The following CHCHD6 variants were observed in gnomAD, a reference collection of about 807,000 sequenced individuals.
CHCHD6 encodes the protein MICOS complex subunit MIC25.
A neutral mutation model predicts 32.3 loss-of-function variants in CHCHD6; 28 were observed. The ratio of observed to expected loss-of-function variants is 0.87; its 90% CI spans 0.64 to 1.19. The LOEUF (loss-of-function observed/expected upper bound fraction) is 1.19. Among genes scored for constraint, CHCHD6 ranks in the 50% most tolerant of loss-of-function variants. CHCHD6 has a pLI of 0.00. For missense variants in CHCHD6, 333 were observed against 307.0 expected (o/e 1.08, Z -0.63); for synonymous variants, 122 against 117.5 (o/e 1.04, Z -0.25).
rs1206574645 is a variant in CHCHD6 at position 126,941,389 on chromosome 3, CATATT to C, written c.567-16025_567-16021del. 2.6e-5 allele frequency among the ~76,000 whole-genome samples: 4 copies of C among 152,274 alleles called. No homozygotes were observed. The East Asian group carries it at 7.7e-4, about 29-fold the overall frequency. ...CTGCATGTTTTAAACCTGTTTAAGA[CATATT>C]AGGAAGCTATAGTTATTTAAAATAT... On this transcript the variant is annotated intron_variant, in intron 6 of 7. Coordinates refer to ENST00000290913, the MANE Select transcript of CHCHD6 (RefSeq NM_032343.3).
At chr3:126,756,488 G>A (rs966544045) in intron 4 of CHCHD6, among the ~76,000 whole-genome samples, 18 of 152,138 alleles carry the variant, frequency 1.2e-4, no homozygotes, top group African/African-American at 3.9e-4. Context: ...TGTAAGGCAG[G>A]GGGGAAGTGG....
At chr3:126,802,320 A>T (rs1939120252) in intron 4 of CHCHD6, among the ~76,000 whole-genome samples, 2 of 152,342 alleles carry the variant, frequency 1.3e-5, no homozygotes, top group East Asian at 3.9e-4. Context: ...TGTTGAAAAA[A>T]ATTTAGACGA....
chr3:126,752,759 C>T (rs904724593), intron 4 of CHCHD6, among the ~76,000 whole-genome samples: 9 of 152,170 alleles, frequency 5.9e-5, no homozygotes, highest in Admixed American at 2.0e-4. Context: ...AGGAAGGGCC[C>T]GCTTTTCTCT....
At chr3:126,719,533 A>G (rs1559802511) in intron 1 of CHCHD6, among the ~76,000 whole-genome samples, 1 of 152,230 alleles carries the variant, frequency 6.6e-6, no homozygotes, top group Non-Finnish European at 1.5e-5. Context: ...GATGTTGTGT[A>G]TGATAGGAGG....
At chr3:126,784,319 T>C (rs940623584) in intron 4 of CHCHD6, among the ~76,000 whole-genome samples, 1 of 152,170 alleles carries the variant, frequency 6.6e-6, no homozygotes, top group Non-Finnish European at 1.5e-5. Flanking sequence ...TCTCTTTCCT[T>C]TCAATGCATT....
At chr3:126,901,082 AT>A (rs2107583014) in intron 5 of CHCHD6, among the ~76,000 whole-genome samples, 1 of 152,310 alleles carries the variant, frequency 6.6e-6, no homozygotes, top group South Asian at 2.1e-4. Flanking sequence ...TCCAAACCAT[AT>A]CACCAGCACA....
intron 4 of CHCHD6, among the ~76,000 whole-genome samples, chr3:126,736,727 GTGCCCTGGTTC>G (rs1936060160): frequency 6.6e-6 from 1 of 152,166 alleles, no homozygotes; most frequent in Non-Finnish European, 1.5e-5. Flanking sequence ...GTCACTGGTG[GTGCCCTGGTTC>G]TGGTCTGAGT....
intron 4 of CHCHD6, among the ~76,000 whole-genome samples, chr3:126,736,358 A>G (rs1936043154): frequency 1.3e-5 from 2 of 152,080 alleles, no homozygotes; most frequent in South Asian, 4.1e-4. Flanking sequence ...TGGAACTTGC[A>G]TGGTCGCCAG....
intron 4 of CHCHD6, among the ~76,000 whole-genome samples, chr3:126,756,313 A>G (rs924935264): frequency 1.3e-5 from 2 of 152,180 alleles, no homozygotes; most frequent in African/African-American, 4.8e-5. Flanking sequence ...GTAAAAGGAG[A>G]AAGATGAACA....
intron 4 of CHCHD6, among the ~76,000 whole-genome samples, chr3:126,806,031 A>G (rs953222261): frequency 2.0e-5 from 3 of 152,212 alleles, no homozygotes; most frequent in African/African-American, 7.2e-5. Context: ...CCTTCCTTAC[A>G]CCTTATACAA....
At chr3:126,711,395 A>C (rs1168346226) in intron 1 of CHCHD6, among the ~76,000 whole-genome samples, 1 of 152,112 alleles carries the variant, frequency 6.6e-6, no homozygotes, top group Non-Finnish European at 1.5e-5. Context: ...TGCCTCCTTG[A>C]CTGTTTCAGT....
At chr3:126,788,412 C>T (rs1280185890) in intron 4 of CHCHD6, among the ~76,000 whole-genome samples, 1 of 152,192 alleles carries the variant, frequency 6.6e-6, no homozygotes, top group Non-Finnish European at 1.5e-5. Context: ...ACCAGCTCCT[C>T]CTTGTACCTC....
At chr3:126,888,292 A>G (rs899867670) in intron 5 of CHCHD6, among the ~76,000 whole-genome samples, 6 of 152,214 alleles carry the variant, frequency 3.9e-5, no homozygotes, top group African/African-American at 1.2e-4. Flanking sequence ...AAGGACTTCC[A>G]TGTGGTTTAA....
At position 126,856,012 on chromosome 3, in the gene CHCHD6, C is replaced by A. The variant is rs78388867; in HGVS notation, c.495+3282C>A. Among the ~76,000 whole-genome samples, 212 of 152,254 alleles carry A rather than the reference C, an allele frequency of 1.4e-3. 1 individual carries two copies. The highest frequency in any genetic ancestry group is 4.3e-3 in the African/African-American group (179 of 41,564). On this transcript the variant is annotated intron_variant, in intron 5 of 7. Transcript: ENST00000290913. ...TCCCTAACAGGTTCTACCTGGCAAC[C>A]TTCATTTAAACCCAGGGGTGGCCAA...
intron 4 of CHCHD6, among the ~76,000 whole-genome samples, chr3:126,791,193 C>T (rs1427227461): frequency 6.6e-6 from 1 of 152,228 alleles, no homozygotes; most frequent in African/African-American, 2.4e-5. Context: ...AGTTTCATCT[C>T]AGAGGGGTAC....
chr3:126,776,448 C>T (rs922030297), intron 4 of CHCHD6, among the ~76,000 whole-genome samples: 2 of 152,124 alleles, frequency 1.3e-5, no homozygotes, highest in Admixed American at 6.5e-5. Flanking sequence ...AGTTATATTC[C>T]AGTCAAGCTA....
At chr3:126,801,205 T>C (rs1939049278) in intron 4 of CHCHD6, among the ~76,000 whole-genome samples, 1 of 152,174 alleles carries the variant, frequency 6.6e-6, no homozygotes, top group Admixed American at 6.5e-5. Context: ...TGCCAGACAG[T>C]GGGCGCAGGA....
intron 5 of CHCHD6, among the ~76,000 whole-genome samples, chr3:126,875,532 G>A (rs1405698623): frequency 1.3e-5 from 2 of 152,260 alleles, no homozygotes; most frequent in Non-Finnish European, 2.9e-5. Flanking sequence ...ACCAGGGGCA[G>A]AGGGGAAAGA....
intron 6 of CHCHD6, among the ~76,000 whole-genome samples, chr3:126,924,208 G>C (rs2078292852): frequency 6.6e-6 from 1 of 152,208 alleles, no homozygotes; most frequent in Non-Finnish European, 1.5e-5. Context: ...CAGTGCATGT[G>C]TACAGTTGAC....
Sources: gnomAD v4.1 joint callset for allele counts (sites outside exome capture counted in the v4.1 genomes callset) on GRCh38, gnomAD v4.1.1 for gene constraint, MANE v1.5 for transcripts, NCBI Gene and HGNC (gene_info 2026-07-23, HGNC 2026-07-21) for gene names.